The following SLA variants were observed in gnomAD, a reference collection of about 807,000 sequenced individuals.
SLA encodes the protein src-like-adapter.
In SLA, 16 loss-of-function variants were observed where a neutral mutation model predicts 30.3. The ratio of observed to expected loss-of-function variants is 0.53; its 90% CI spans 0.36 to 0.80. SLA has a LOEUF of 0.80. Ranked by LOEUF, SLA falls within the 30% of genes least tolerant of loss-of-function variation. The pLI, the probability that SLA is intolerant of heterozygous loss-of-function variation, is 0.01. For missense variants in SLA, 310 were observed against 345.2 expected, an observed-to-expected ratio of 0.90 and a Z score of 0.81; for synonymous variants, 143 against 137.8, an observed-to-expected ratio of 1.04 and a Z score of -0.26.
intron 1 of SLA, chr8:133,096,176 G>T: frequency 6.2e-7 from 1 of 1,613,738 alleles, no homozygotes; most frequent in South Asian, 1.1e-5. Context: ...ATTATTCCAG[G>T]ACAACTGATT....
intron 1 of SLA, among the ~76,000 whole-genome samples, chr8:133,095,707 G>T (rs1249796733): frequency 1.3e-5 from 2 of 152,198 alleles, no homozygotes; most frequent in African/African-American, 4.8e-5. Context: ...ATCTCTGGCT[G>T]GCCTTCACAT....
At chr8:133,051,960 C>A (rs1390811213) in intron 3 of SLA, among the ~76,000 whole-genome samples, 1 of 152,234 alleles carries the variant, frequency 6.6e-6, no homozygotes, top group African/African-American at 2.4e-5. Context: ...GAAAAGCAAG[C>A]CCATTCTTGC....
intron 1 of SLA, among the ~76,000 whole-genome samples, chr8:133,090,966 A>G (rs1847416455): frequency 6.6e-6 from 1 of 152,164 alleles, no homozygotes; most frequent in African/African-American, 2.4e-5. Flanking sequence ...CCTAGGCTCA[A>G]ATCCTGGCTC....
chr8:133,071,275 A>C (rs1843978754), intron 2 of SLA, among the ~76,000 whole-genome samples: 1 of 152,144 alleles, frequency 6.6e-6, no homozygotes, highest in African/African-American at 2.4e-5. Context: ...CTAACCGGGG[A>C]AACCAAGGCC....
intron 1 of SLA, among the ~76,000 whole-genome samples, chr8:133,085,622 T>G (rs1297627280): frequency 1.3e-5 from 2 of 152,172 alleles, no homozygotes; most frequent in East Asian, 3.9e-4. Flanking sequence ...ACACTATTAG[T>G]CAGTCATCAG....
intron 1 of SLA, among the ~76,000 whole-genome samples, chr8:133,084,814 C>T (rs888383037): frequency 6.6e-6 from 1 of 152,260 alleles, no homozygotes; most frequent in African/African-American, 2.4e-5. Flanking sequence ...GACAGTTCTA[C>T]AGCTAGACCA....
At chr8:133,073,676 A>C (rs59056866) in intron 2 of SLA, among the ~76,000 whole-genome samples, 5,744 of 152,276 alleles carry the variant, frequency 0.038, 268 homozygotes, top group African/African-American at 0.11. Flanking sequence ...AGCAAACCAC[A>C]CAATGACAAT....
intron 2 of SLA, among the ~76,000 whole-genome samples, chr8:133,061,050 C>T (rs187025026): frequency 1.3e-5 from 2 of 152,212 alleles, no homozygotes; most frequent in Admixed American, 1.3e-4. Flanking sequence ...CTCACTCTGT[C>T]GCCTAGGTTG....
intron 1 of SLA, among the ~76,000 whole-genome samples, chr8:133,085,281 G>T (rs1353909885): frequency 6.6e-6 from 1 of 152,118 alleles, no homozygotes; most frequent in East Asian, 1.9e-4. Flanking sequence ...AGAACTCGTG[G>T]ACCTTGCACT....
chr8:133,053,141 G>C lies in SLA; in HGVS notation c.62-2226C>G, dbSNP rs541630534. Among the ~76,000 whole-genome samples, 54 of 152,214 alleles carry C rather than the reference G, an allele frequency of 3.5e-4. No homozygotes were observed. The South Asian group carries it at 8.9e-3, about 25-fold the overall frequency. On this transcript the variant is annotated intron_variant, in intron 3 of 8. Transcript: ENST00000338087. ...TCCCTCCTTCACCGTTCCCACCTTTGTCAACTCTAAACTCACCTCTGCAGA... is the reference window on the plus strand; with the variant it reads ...TCCCTCCTTCACCGTTCCCACCTTTCTCAACTCTAAACTCACCTCTGCAGA...
Position 133,049,905 on chromosome 8 carries a change from T to C in SLA, c.245A>G (p.His82Arg). The part of the protein sequence containing the change: ...IPGICVARVY[H>R]GWLFEGLGRD... ...GCCATTTGAGAAATGTACTCACCCA[T>C]GGTAAACTCTGGCCACACATATTCC... Residue 82 changes from histidine to arginine, a missense_variant, in exon 5 of 9, where the codon CAT becomes CGT. Coordinates refer to ENST00000338087, the MANE Select transcript of SLA (RefSeq NM_001045556.3). 1 of 1,600,870 alleles carries C rather than the reference T, an allele frequency of 6.2e-7. No homozygotes were observed. The highest frequency in any genetic ancestry group is 8.6e-7 in the Non-Finnish European group (1 of 1,167,920).
intron 2 of SLA, among the ~76,000 whole-genome samples, chr8:133,068,360 A>G (rs1022252985): frequency 3.3e-5 from 5 of 152,232 alleles, no homozygotes; most frequent in Non-Finnish European, 7.3e-5. Context: ...TCAGGCTAAC[A>G]GAGAGGCTGG....
intron 2 of SLA, among the ~76,000 whole-genome samples, chr8:133,071,534 C>T (rs1270146971): frequency 3.3e-5 from 5 of 152,102 alleles, no homozygotes; most frequent in Non-Finnish European, 5.9e-5. Flanking sequence ...GTGGATAGAG[C>T]GGTGCAATGA....
chr8:133,100,122 T>A (rs1452227367), intron 1 of SLA, among the ~76,000 whole-genome samples: 1 of 152,246 alleles, frequency 6.6e-6, no homozygotes, highest in Non-Finnish European at 1.5e-5. Context: ...GCTCACTGGT[T>A]TATCCCTTTA....
intron 3 of SLA, among the ~76,000 whole-genome samples, chr8:133,058,873 A>G (rs1841939476): frequency 6.6e-6 from 1 of 152,132 alleles, no homozygotes; most frequent in Admixed American, 6.5e-5. Context: ...GAGTTACTTC[A>G]CTAGATAAAT....
chr8:133,090,064 G>A (rs947344211), intron 1 of SLA: 4 of 152,182 alleles, frequency 2.6e-5, no homozygotes, highest in Admixed American at 6.5e-5. Context: ...TTTTTAAAAA[G>A]CATCCGCCTA....
At chr8:133,046,654 C>T (rs1056407095) in intron 6 of SLA, 1 of 152,270 alleles carries the variant, frequency 6.6e-6, no homozygotes, top group Non-Finnish European at 1.5e-5. Flanking sequence ...TTCTTCCTCC[C>T]TTTGGCCAGG....
intron 1 of SLA, among the ~76,000 whole-genome samples, chr8:133,094,201 C>T (rs1250109940): frequency 6.6e-6 from 1 of 151,986 alleles, no homozygotes; most frequent in African/African-American, 2.4e-5. Flanking sequence ...GAACCCAGCT[C>T]CTACCACTTT....
At chr8:133,083,116 G>A (rs1437361921) in intron 1 of SLA, among the ~76,000 whole-genome samples, 1 of 152,126 alleles carries the variant, frequency 6.6e-6, no homozygotes, top group East Asian at 1.9e-4. Flanking sequence ...ACCATTTTTA[G>A]GCTGGAAAAT....
Sources: gnomAD v4.1 joint callset for allele counts (sites outside exome capture counted in the v4.1 genomes callset) on GRCh38, gnomAD v4.1.1 for gene constraint, MANE v1.5 for transcripts, NCBI Gene and HGNC (gene_info 2026-07-23, HGNC 2026-07-21) for gene names.